The following CP variants were observed in gnomAD, a reference collection of about 807,000 sequenced individuals.
CP encodes the protein ceruloplasmin, also known as caeruloplasmin.
CP carries 64 observed loss-of-function variants against 122.4 expected under a neutral mutation model. That is an observed-to-expected ratio of 0.52 (90% confidence interval 0.43 to 0.64). CP has a LOEUF of 0.64. Among genes scored for constraint, CP ranks in the 30% least tolerant of loss-of-function variants. The pLI, the probability that CP is intolerant of heterozygous loss-of-function variation, is 0.00. For synonymous variants in CP, 440 were observed against 436.4 expected (o/e 1.01, Z -0.10); for missense variants, 1,167 against 1,284.4 (o/e 0.91, Z 1.40).
At chr3:149,170,691 C>T (rs2108194485), downstream of CP, 1 of 152,284 alleles carries the variant, frequency 6.6e-6, no homozygotes, top group Admixed American at 6.5e-5. Flanking sequence ...AAAGGCAGTT[C>T]ATTCTTTTGT....
Position 149,177,938 on chromosome 3 carries a change from T to A in CP, c.2920A>T (p.Met974Leu), listed in dbSNP as rs778517650. The A allele has an allele frequency of 6.2e-7, 1 of 1,613,354 alleles. No individual in the cohort carries two copies. Residue 974 changes from methionine to leucine, a missense_variant, in exon 17 of 19, where the codon ATG (methionine) becomes TTG (leucine). This residue lies in a region of CP where 525 missense variants were observed against 657.2 expected (regional missense o/e 0.80). Coordinates refer to ENST00000264613, the MANE Select transcript of CP (RefSeq NM_000096.4). Reference sequence around the variant, plus strand: ...CAGTTGACTTCATCTCCCACGTGCATTGTGAGGCCTTGTAGGTTTCCAAAC... The same window carrying A: ...CAGTTGACTTCATCTCCCACGTGCAATGTGAGGCCTTGTAGGTTTCCAAAC... ...RMFGNLQGLTMHVGDEVNWYL... is the reference protein window; with the variant it reads ...RMFGNLQGLTLHVGDEVNWYL...
chr3:149,185,540 G>A, intron 11 of CP, 94 bp from the exon 12 acceptor site: 1 of 1,154,910 alleles, frequency 8.7e-7, no homozygotes, highest in Non-Finnish European at 1.3e-6. Flanking sequence ...TCCTTATCAT[G>A]GCCTCAGGTG....
At chr3:149,167,038 T>C in intron 4 of CP, 1 of 1,611,044 alleles carries the variant, frequency 6.2e-7, no homozygotes, top group Non-Finnish European at 8.5e-7. Context: ...TCATAGTCTC[T>C]TATATGTGGT....
At chr3:149,167,841 T>C, downstream of CP, 1 of 1,035,138 alleles carries the variant, frequency 9.7e-7, no homozygotes. Flanking sequence ...TCCTTTGAAA[T>C]CTGAGAATAA....
chr3:149,212,766 T>G lies in CP; in HGVS notation c.147-68A>C. On this transcript the variant is annotated intron_variant, in intron 1 of 18. Coordinates refer to ENST00000264613, the MANE Select transcript of CP (RefSeq NM_000096.4). ...CTAGGGATGACATTATCATTATAATTTAATAACATTATAATTAGAGAAATT... is the reference window on the plus strand; with the variant it reads ...CTAGGGATGACATTATCATTATAATGTAATAACATTATAATTAGAGAAATT... 10 of 1,512,828 alleles carry G rather than the reference T, an allele frequency of 6.6e-6. No homozygotes were observed. In the South Asian group the frequency reaches 1.2e-4, roughly 18 times the overall value. 93.7% of individuals were successfully genotyped at this position (1,512,828 alleles called of 1,614,324 possible).
chr3:149,207,612 T>C lies in CP; in HGVS notation c.787A>G (p.Asn263Asp). 6.2e-7 allele frequency: 1 copy of C among 1,613,896 alleles called. No individual in the cohort carries two copies. Among genetic ancestry groups the C allele is most frequent in the Non-Finnish European group, 8.5e-7 (1 of 1,179,762 alleles). Reference protein sequence around the residue: ...FQESNRMYSVNGYTFGSLPGL... With the variant: ...FQESNRMYSVDGYTFGSLPGL... The stretch of plus-strand genomic sequence containing the variant: ...GGGAGACTTCCAAAAGTGTATCCAT[T>C]CACAGCTGTAAGTCAAGAGCAGAGT... Residue 263 changes from asparagine (N) to aspartate (D), a missense_variant, in exon 5 of 19, where the codon AAT (asparagine) becomes GAT (aspartate). Asn to Asp is a conservative substitution (Grantham distance 23). Transcript: ENST00000264613.
chr3:149,177,852 G>A lies in CP; in HGVS notation c.3006C>T (p.Ser1002=), dbSNP rs199877380. The A allele has an allele frequency of 1.1e-4, 181 of 1,613,664 alleles. 1 individual carries two copies. In the East Asian group the frequency reaches 3.7e-3, roughly 33 times the overall value. ...GGATAGCTCTTACCTTGTATTGGAA[G>A]CTATGGCCGTGAAAATGTACAGTGT... ...DLHTVHFHGH[S]FQYKHRGVYS... Residue 1002 remains serine, a synonymous_variant, in exon 17 of 19, where the codon AGC becomes AGT. Transcript: ENST00000264613.
chr3:149,163,299 C>T (rs140627235), intron 5 of CP, among the ~76,000 whole-genome samples: 115 of 152,298 alleles, frequency 7.6e-4, no homozygotes, highest in African/African-American at 2.6e-3. Flanking sequence ...CCCCCATTTC[C>T]TGTCTGTTGC....
At chr3:149,167,106 A>G (rs753157984) in intron 4 of CP, 47 of 1,613,480 alleles carry the variant, frequency 2.9e-5, no homozygotes, top group Non-Finnish European at 3.7e-5. Flanking sequence ...AGAAGACACT[A>G]TTGCCGGCCT....
At chr3:149,218,640 A>C (rs1389778924) in intron 1 of CP, among the ~76,000 whole-genome samples, 1 of 152,158 alleles carries the variant, frequency 6.6e-6, no homozygotes, top group Non-Finnish European at 1.5e-5. Flanking sequence ...GAATCTCTCC[A>C]CATGAGGAGC....
chr3:149,168,458 A>C (rs1250844260), downstream of CP: 1 of 174,292 alleles, frequency 5.7e-6, no homozygotes, highest in Non-Finnish European at 1.2e-5. Flanking sequence ...TTCATAATTC[A>C]TAATCATAAA....
downstream of CP, among the ~76,000 whole-genome samples, chr3:149,170,220 T>C (rs1167249510): frequency 6.6e-6 from 1 of 152,194 alleles, no homozygotes; most frequent in Non-Finnish European, 1.5e-5. Context: ...TAGCCCCTCC[T>C]TATTTGGGAG....
At chr3:149,174,961 T>C (rs1462903076) in intron 18 of CP, among the ~76,000 whole-genome samples, 1 of 152,176 alleles carries the variant, frequency 6.6e-6, no homozygotes, top group Non-Finnish European at 1.5e-5. Flanking sequence ...CTATCTCGCC[T>C]TTCTTAACCA....
chr3:149,168,927 CTT>C (rs551365635), downstream of CP, among the ~76,000 whole-genome samples: 6 of 152,142 alleles, frequency 3.9e-5, no homozygotes, highest in Non-Finnish European at 8.8e-5. Flanking sequence ...TCAGAAGACT[CTT>C]TCTTCATCCT....
At chr3:149,187,083 T>C (rs1284168628) in intron 10 of CP, among the ~76,000 whole-genome samples, 1 of 152,234 alleles carries the variant, frequency 6.6e-6, no homozygotes, top group African/African-American at 2.4e-5. Context: ...ATAACAGCTT[T>C]TCCTGTGCAC....
intron 10 of CP, among the ~76,000 whole-genome samples, chr3:149,187,578 G>A (rs1726256026): frequency 6.6e-6 from 1 of 152,132 alleles, no homozygotes; most frequent in Non-Finnish European, 1.5e-5. Context: ...AATCATTGAG[G>A]GCTGAGATCA....
Position 149,178,605 on chromosome 3 carries a change from G to T in CP, c.2688C>A (p.Pro896=), listed in dbSNP as rs1425458780. The part of the protein sequence containing the change: ...VKDLYSGLIG[P]LIVCRRPYLK... ...AGTAAGGTCTTCGACAAACAATCAG[G>T]GGGCCAATTAATCCACTGTAGAGGT... is the stretch of plus-strand genomic sequence containing the variant. Residue 896 remains proline, a synonymous_variant, in exon 16 of 19, where the codon CCC becomes CCA. Transcript: ENST00000264613. 1.2e-6 allele frequency: 2 copies of T among 1,612,610 alleles called. No homozygotes were observed. Among genetic ancestry groups the T allele is most frequent in the Non-Finnish European group, 1.7e-6 (2 of 1,179,174 alleles).
intron 5 of CP, among the ~76,000 whole-genome samples, chr3:149,164,745 C>T (rs139306361): frequency 2.6e-5 from 4 of 152,268 alleles, no homozygotes; most frequent in Non-Finnish European, 4.4e-5. Flanking sequence ...GGGGCTGACC[C>T]GCAGCCCCTC....
rs1442938660 is a variant in CP at position 149,198,238 on chromosome 3, A to G, written c.1713+129T>C. 3 of 682,698 alleles carry G rather than the reference A, an allele frequency of 4.4e-6. No individual in the cohort carries two copies. In the African/African-American group the frequency reaches 5.4e-5, roughly 12 times the overall value. The allele number at this position is 682,698 out of a possible 1,614,324, so 42.3% of individuals were successfully genotyped here. A position where few individuals can be genotyped will look rare whatever the true frequency, so the allele number is the denominator to read the frequency against. On this transcript the variant is annotated intron_variant, in intron 9 of 18. Transcript: ENST00000264613. Reference sequence around the variant, plus strand: ...TGATAATTGTGGGCATTTTTAAAGAAGTCCTTATCTTTTAAAGGTATATAC... The same window carrying G: ...TGATAATTGTGGGCATTTTTAAAGAGGTCCTTATCTTTTAAAGGTATATAC...
Sources: gnomAD v4.1 joint callset for allele counts (sites outside exome capture counted in the v4.1 genomes callset) on GRCh38, gnomAD v4.1.1 for gene constraint, gnomAD v4.1.1 regional missense constraint, MANE v1.5 for transcripts, NCBI Gene and HGNC (gene_info 2026-07-23, HGNC 2026-07-21) for gene names.